NDUFAF6: variants seen among roughly 807,000 people sequenced by gnomAD.
NDUFAF6 encodes the protein NADH:ubiquinone oxidoreductase complex assembly factor 6.
Under a neutral mutation model 40.8 loss-of-function variants are expected in NDUFAF6, and 45 were observed. The ratio of observed to expected loss-of-function variants is 1.10; its 90% CI spans 0.87 to 1.42. NDUFAF6 has a LOEUF of 1.42. Among genes scored for constraint, NDUFAF6 ranks in the 40% most tolerant of loss-of-function variants. The probability of loss-of-function intolerance (pLI) is 0.00; values close to 1 mark genes in which losing one functional copy is unlikely to be tolerated. For synonymous variants in NDUFAF6, 185 were observed against 155.9 expected, an observed-to-expected ratio of 1.19 and a Z score of -1.39; for missense variants, 435 against 418.5, an observed-to-expected ratio of 1.04 and a Z score of -0.34.
chr8:94,917,715 G>T (rs1563707439), intron 1 of NDUFAF6, among the ~76,000 whole-genome samples: 1 of 152,158 alleles, frequency 6.6e-6, no homozygotes, highest in Non-Finnish European at 1.5e-5. Flanking sequence ...AAACATTTTA[G>T]TTGGAAGCTA....
chr8:95,046,233 G>A (rs1407535479), intron 5 of NDUFAF6, among the ~76,000 whole-genome samples: 8 of 152,062 alleles, frequency 5.3e-5, no homozygotes, highest in Non-Finnish European at 2.9e-5. Flanking sequence ...GCTAAATTTT[G>A]TACTTTTAGT....
chr8:95,112,023 A>G (rs1022479869), intron 4 of NDUFAF6, among the ~76,000 whole-genome samples: 1 of 152,056 alleles, frequency 6.6e-6, no homozygotes, highest in Admixed American at 6.5e-5. Context: ...TACTGTTCTT[A>G]GAAAGAAACC....
chr8:94,902,612 AT>A (rs1408254481), intron 1 of NDUFAF6, among the ~76,000 whole-genome samples: 1 of 148,852 alleles, frequency 6.7e-6, no homozygotes, highest in African/African-American at 2.5e-5. Context: ...ACACTTTGTT[AT>A]TTTTTAATTA....
At chr8:94,900,357 A>G (rs973391753) in intron 1 of NDUFAF6, among the ~76,000 whole-genome samples, 1 of 152,074 alleles carries the variant, frequency 6.6e-6, no homozygotes, top group African/African-American at 2.4e-5. Context: ...GCAGGGTGGC[A>G]GCAGAGCACT....
intron 1 of NDUFAF6, among the ~76,000 whole-genome samples, chr8:94,909,286 T>C (rs186032680): frequency 6.9e-6 from 1 of 145,856 alleles, no homozygotes; most frequent in African/African-American, 2.6e-5. Flanking sequence ...GAGGCGGAGA[T>C]TGCAGTGAGC....
At chr8:94,979,990 G>A (rs1476074681) in intron 1 of NDUFAF6, among the ~76,000 whole-genome samples, 4 of 151,904 alleles carry the variant, frequency 2.6e-5, no homozygotes, top group Non-Finnish European at 4.4e-5. Flanking sequence ...CCAGCTACTC[G>A]GGAGGCTGAA....
intron 3 of NDUFAF6, among the ~76,000 whole-genome samples, chr8:95,035,943 C>A (rs1829453276): frequency 6.6e-6 from 1 of 152,160 alleles, no homozygotes; most frequent in Non-Finnish European, 1.5e-5. Flanking sequence ...GTGTTTTAAT[C>A]CAGGTTTTGG....
chr8:95,093,515 A>G (rs2132066962), intron 2 of NDUFAF6, among the ~76,000 whole-genome samples: 1 of 152,302 alleles, frequency 6.6e-6, no homozygotes, highest in South Asian at 2.1e-4. Flanking sequence ...TAGTTCAACA[A>G]TGTATACCCA....
intron 5 of NDUFAF6, among the ~76,000 whole-genome samples, chr8:95,046,604 G>A (rs924568860): frequency 2.5e-4 from 38 of 152,216 alleles, no homozygotes; most frequent in Admixed American, 1.4e-3. Flanking sequence ...TGACATGTTT[G>A]CCATCACAAT....
At chr8:94,923,311 G>C (rs1363108205) in intron 1 of NDUFAF6, among the ~76,000 whole-genome samples, 3 of 152,188 alleles carry the variant, frequency 2.0e-5, no homozygotes, top group African/African-American at 7.2e-5. Context: ...AGAACCTTTT[G>C]GATGATAGAA....
chr8:94,994,480 G>A (rs1826331169), intron 2 of NDUFAF6, among the ~76,000 whole-genome samples: 1 of 151,698 alleles, frequency 6.6e-6, no homozygotes, highest in Admixed American at 6.6e-5. Context: ...CAACCTGGGA[G>A]GCAGAAGTTG....
upstream of NDUFAF6, among the ~76,000 whole-genome samples, chr8:94,957,467 G>C (rs914820420): frequency 6.6e-6 from 1 of 152,196 alleles, no homozygotes; most frequent in Non-Finnish European, 1.5e-5. Context: ...AGAAGAGTGA[G>C]AAGGGACAGC....
intron 1 of NDUFAF6, chr8:94,980,758 G>A: frequency 3.1e-6 from 1 of 317,796 alleles, no homozygotes; most frequent in South Asian, 2.6e-5. Context: ...CCTGTCAACT[G>A]TACTTTAATG....
chr8:94,994,517 G>A (rs139445870), intron 2 of NDUFAF6, among the ~76,000 whole-genome samples: 1,534 of 149,070 alleles, frequency 0.01, 27 homozygotes, highest in African/African-American at 0.036. Flanking sequence ...TGCCAAGAGC[G>A]AAACTCCATC....
intron 1 of NDUFAF6, among the ~76,000 whole-genome samples, chr8:94,903,479 G>T (rs768448127): frequency 8.5e-5 from 13 of 152,088 alleles, no homozygotes; most frequent in African/African-American, 1.2e-4. Context: ...CAAATTATAG[G>T]TCACATTCAA....
intron 8 of NDUFAF6, 64 bp from the exon 9 acceptor site, chr8:95,057,745 G>GTTTTTT: frequency 2.0e-6 from 2 of 990,252 alleles, no homozygotes; most frequent in Non-Finnish European, 1.5e-6. Flanking sequence ...TCTTTAGTTA[G>GTTTTTT]TTTTTTTTTT....
chr8:95,096,731 A>T (rs540600975), upstream of NDUFAF6, among the ~76,000 whole-genome samples: 2 of 152,302 alleles, frequency 1.3e-5, no homozygotes, highest in African/African-American at 4.8e-5. Flanking sequence ...TCGTATCACC[A>T]TGTTTTCACC....
chr8:94,992,709 A>G lies in NDUFAF6; in HGVS notation c.-84+11736A>G, dbSNP rs187881402. Among the ~76,000 whole-genome samples, 17 of 152,330 alleles carry G rather than the reference A, an allele frequency of 1.1e-4. No homozygotes were observed. The East Asian group carries it at 3.3e-3, about 29-fold the overall frequency. On this transcript the variant is annotated intron_variant, in intron 2 of 9. Transcript: ENST00000396111. ...TCCTCCTTGAGATATCTAAAGATCT[A>G]TTCCCAAGATCCTCTCTTCCTTTGG...
intron 6 of NDUFAF6, among the ~76,000 whole-genome samples, chr8:95,047,853 C>T (rs1830981033): frequency 6.6e-6 from 1 of 150,600 alleles, no homozygotes; most frequent in African/African-American, 2.4e-5. Flanking sequence ...TTCTTTCAAA[C>T]TTTTTGTATG....
Sources: gnomAD v4.1 joint callset for allele counts (sites outside exome capture counted in the v4.1 genomes callset) on GRCh38, gnomAD v4.1.1 for gene constraint, MANE v1.5 for transcripts, NCBI Gene and HGNC (gene_info 2026-07-23, HGNC 2026-07-21) for gene names.